RNF38: variants seen among roughly 807,000 people sequenced by gnomAD.
The protein encoded by RNF38 is E3 ubiquitin-protein ligase RNF38.
A neutral mutation model predicts 67.2 loss-of-function variants in RNF38; 15 were observed. That is an observed-to-expected ratio of 0.22 (90% CI 0.15 to 0.34). RNF38 has a LOEUF of 0.34. Among genes scored for constraint, RNF38 ranks in the 10% least tolerant of loss-of-function variants. The pLI is 1.00. For missense variants in RNF38, 524 were observed against 639.9 expected (o/e 0.82, Z 1.95); for synonymous variants, 220 against 218.8 (o/e 1.01, Z -0.05).
chr9:36,484,448 G>A (rs78401067), intron 1 of RNF38, among the ~76,000 whole-genome samples: 8,070 of 152,196 alleles, frequency 0.053, 661 homozygotes, highest in African/African-American at 0.18. Flanking sequence ...AAATTTTTGT[G>A]TGAGAAATAT....
chr9:36,468,239 C>CT (rs1839911060), intron 1 of RNF38, among the ~76,000 whole-genome samples: 8 of 113,190 alleles, frequency 7.1e-5, no homozygotes, highest in East Asian at 2.5e-4. Flanking sequence ...AATGTTCTGT[C>CT]TTAAAAAAAA....
At chr9:36,385,144 T>TA (rs777727133) in intron 2 of RNF38, among the ~76,000 whole-genome samples, 2,320 of 146,060 alleles carry the variant, frequency 0.016, 29 homozygotes, top group East Asian at 0.07. Context: ...AACCGAAAAT[T>TA]TAAAAAAAAA....
intron 2 of RNF38, among the ~76,000 whole-genome samples, chr9:36,387,133 A>G (rs1363848065): frequency 2.0e-5 from 3 of 152,170 alleles, no homozygotes; most frequent in Non-Finnish European, 4.4e-5. Flanking sequence ...AGGCATGAAT[A>G]ATCCACCCCG....
chr9:36,348,665 G>T (rs1833477944), intron 9 of RNF38, among the ~76,000 whole-genome samples: 1 of 152,202 alleles, frequency 6.6e-6, no homozygotes, highest in African/African-American at 2.4e-5. Context: ...TATCAATGTT[G>T]AGAGAGGTGA....
At position 36,390,551 on chromosome 9, in the gene RNF38, C is replaced by T; in HGVS notation, c.78G>A (p.Val26=). ...GGAGAGGGAACAGGCTCTGAAGTCT[C>T]ACCCTTTCACAAATCACCTTGTTAG... ...GHPNKVICER[V]RLQSLFPLLP... is the part of the protein sequence containing the mutation. Residue 26 remains valine (V), a synonymous_variant, in exon 2 of 12, where the codon GTG becomes GTA. Transcript: ENST00000259605. The T allele has an allele frequency of 1.2e-6, 2 of 1,614,060 alleles. No individual in the cohort carries two copies. The highest frequency in any genetic ancestry group is 1.7e-6 in the Non-Finnish European group (2 of 1,179,984).
chr9:36,429,590 T>G (rs1409785631), intron 1 of RNF38, among the ~76,000 whole-genome samples: 1 of 152,050 alleles, frequency 6.6e-6, no homozygotes, highest in East Asian at 1.9e-4. Flanking sequence ...ACCAGCCAGT[T>G]TGAGACCAGC....
chr9:36,479,109 T>C (rs1388264557), intron 1 of RNF38, among the ~76,000 whole-genome samples: 1 of 152,146 alleles, frequency 6.6e-6, no homozygotes. Context: ...AACGCTCCAT[T>C]ATCCACTTTT....
chr9:36,340,737 G>T (rs1170786798), intron 11 of RNF38, among the ~76,000 whole-genome samples: 1 of 152,286 alleles, frequency 6.6e-6, no homozygotes, highest in East Asian at 1.9e-4. Flanking sequence ...AAGCTTGATT[G>T]TAAAATAGGT....
At chr9:36,472,453 T>C (rs970970310) in intron 1 of RNF38, among the ~76,000 whole-genome samples, 3 of 152,208 alleles carry the variant, frequency 2.0e-5, no homozygotes, top group African/African-American at 7.2e-5. Context: ...GTATTTCATG[T>C]GTGGTCCAAG....
intron 5 of RNF38, among the ~76,000 whole-genome samples, chr9:36,357,281 T>G (rs1376047683): frequency 6.6e-6 from 1 of 152,174 alleles, no homozygotes; most frequent in Non-Finnish European, 1.5e-5. Flanking sequence ...ACTTTTCAGA[T>G]TCAGACACTA....
At chr9:36,380,349 G>A (rs1836120038) in intron 2 of RNF38, among the ~76,000 whole-genome samples, 2 of 151,838 alleles carry the variant, frequency 1.3e-5, no homozygotes, top group African/African-American at 4.8e-5. Flanking sequence ...ACAGGCATGC[G>A]CCACCACACC....
chr9:36,389,313 A>G (rs1266106815), intron 2 of RNF38, among the ~76,000 whole-genome samples: 2 of 151,270 alleles, frequency 1.3e-5, no homozygotes, highest in African/African-American at 4.9e-5. Flanking sequence ...TTACTGTTTG[A>G]AAACACAAAG....
intron 2 of RNF38, among the ~76,000 whole-genome samples, chr9:36,377,687 A>C (rs945788636): frequency 2.5e-4 from 38 of 152,176 alleles, no homozygotes; most frequent in African/African-American, 9.2e-4. Flanking sequence ...CAAAATCTTA[A>C]GACGCTCAGG....
upstream of RNF38, chr9:36,400,993 G>A (rs931616608): frequency 1.0e-6 from 1 of 983,910 alleles, no homozygotes; most frequent in Non-Finnish European, 1.2e-6. Flanking sequence ...GGCCTCCGCT[G>A]CGCGCGCAGG....
intron 2 of RNF38, among the ~76,000 whole-genome samples, chr9:36,423,948 CAAAAAA>C (rs1176900248): frequency 0.16 from 1,195 of 7,316 alleles, 82 homozygotes; most frequent in Middle Eastern, 0.29. Flanking sequence ...GACTCCGTCT[CAAAAAA>C]AAAAAAAAAA....
chr9:36,341,405 T>A (rs1832815696), intron 11 of RNF38, among the ~76,000 whole-genome samples: 1 of 152,218 alleles, frequency 6.6e-6, no homozygotes, highest in East Asian at 1.9e-4. Flanking sequence ...TCTAGTTTTA[T>A]CCAAACCGGA....
chr9:36,350,531 G>A (rs1833619494), intron 9 of RNF38, among the ~76,000 whole-genome samples: 1 of 152,226 alleles, frequency 6.6e-6, no homozygotes, highest in Admixed American at 6.5e-5. Flanking sequence ...TCTCAAGAAT[G>A]TCTAGCCCTT....
At chr9:36,344,670 A>T (rs1206396300) in intron 10 of RNF38, among the ~76,000 whole-genome samples, 162 bp downstream of exon 10, 1 of 152,228 alleles carries the variant, frequency 6.6e-6, no homozygotes, top group Non-Finnish European at 1.5e-5. Context: ...TTAGACTATG[A>T]AATAAAGATA....
chr9:36,439,647 A>T (rs969784433), intron 1 of RNF38, among the ~76,000 whole-genome samples: 3 of 151,842 alleles, frequency 2.0e-5, no homozygotes, highest in Admixed American at 1.3e-4. Context: ...TCTACTAAAA[A>T]CACAAAAATT....
Sources: allele counts gnomAD v4.1 joint callset (sites outside exome capture counted in the v4.1 genomes callset), GRCh38; gene constraint gnomAD v4.1.1; transcripts MANE v1.5; gene names NCBI Gene and HGNC (gene_info 2026-07-23, HGNC 2026-07-21).